PACRG: variants seen among roughly 807,000 people sequenced by gnomAD.
PACRG encodes parkin coregulated.
Under a neutral mutation model 29.7 loss-of-function variants are expected in PACRG, and 29 were observed. That is an observed-to-expected ratio of 0.98 (90% CI 0.73 to 1.33). The LOEUF (loss-of-function observed/expected upper bound fraction) is 1.33. Ranked by LOEUF, PACRG falls within the 40% of genes most tolerant of loss-of-function variation. The pLI is 0.00. For missense variants in PACRG, 279 were observed against 316.2 expected (o/e 0.88, Z 0.89); for synonymous variants, 116 against 118.7 (o/e 0.98, Z 0.15).
At chr6:162,907,157 C>G (rs1795988298) in intron 2 of PACRG, among the ~76,000 whole-genome samples, 1 of 151,900 alleles carries the variant, frequency 6.6e-6, no homozygotes, top group East Asian at 1.9e-4. Flanking sequence ...TGTATCAGAT[C>G]TTTTTTTTAT....
chr6:162,849,487 C>T (rs1790685091), intron 2 of PACRG, among the ~76,000 whole-genome samples: 2 of 152,304 alleles, frequency 1.3e-5, no homozygotes, highest in Middle Eastern at 3.4e-3. Flanking sequence ...CCAAACAGTG[C>T]ACCCCCCAGG....
chr6:162,773,943 AT>A (rs1783442902), intron 1 of PACRG, among the ~76,000 whole-genome samples: 1 of 152,224 alleles, frequency 6.6e-6, no homozygotes, highest in South Asian at 2.1e-4. Context: ...TTTTAAAAAA[AT>A]GAACAAAAAA....
At chr6:163,006,476 A>T (rs1002414031) in intron 2 of PACRG, among the ~76,000 whole-genome samples, 2 of 151,320 alleles carry the variant, frequency 1.3e-5, no homozygotes, top group Non-Finnish European at 3.0e-5. Context: ...ATAATGTCCA[A>T]TTTTTCTATA....
intron 4 of PACRG, among the ~76,000 whole-genome samples, chr6:163,303,597 G>A (rs1785085965): frequency 6.6e-6 from 1 of 152,094 alleles, no homozygotes; most frequent in Non-Finnish European, 1.5e-5. Context: ...GCTGTTTCGC[G>A]AGCTGGTTGA....
At chr6:162,900,348 C>T (rs1795472889) in intron 2 of PACRG, among the ~76,000 whole-genome samples, 1 of 152,116 alleles carries the variant, frequency 6.6e-6, no homozygotes. Context: ...CCCCATTCTA[C>T]CCTCACTTCT....
At chr6:163,051,330 G>A (rs1809986687) in intron 2 of PACRG, 1 of 152,050 alleles carries the variant, frequency 6.6e-6, no homozygotes, top group South Asian at 2.1e-4. Flanking sequence ...CCACAGTGGT[G>A]GATAATTTTT....
At chr6:163,156,515 T>C (rs1215226225) in intron 4 of PACRG, among the ~76,000 whole-genome samples, 1 of 152,148 alleles carries the variant, frequency 6.6e-6, no homozygotes, top group Non-Finnish European at 1.5e-5. Flanking sequence ...TGCTGCTGCC[T>C]GGGTTCCCAC....
At chr6:162,732,928 C>T (rs919262336) in intron 1 of PACRG, among the ~76,000 whole-genome samples, 1 of 152,154 alleles carries the variant, frequency 6.6e-6, no homozygotes, top group African/African-American at 2.4e-5. Flanking sequence ...TTTCATCTCC[C>T]ACTGTTCTCA....
chr6:162,727,621 G>A, upstream of PACRG: 1 of 1,571,738 alleles, frequency 6.4e-7, no homozygotes, highest in Non-Finnish European at 8.6e-7. Flanking sequence ...CCGGGGCGTG[G>A]GGCGGCGCAG....
chr6:163,309,083 T>G (rs1449291822), intron 4 of PACRG, among the ~76,000 whole-genome samples: 1 of 152,190 alleles, frequency 6.6e-6, no homozygotes, highest in African/African-American at 2.4e-5. Context: ...CTGGCCCCAG[T>G]GGGGAACACA....
intron 2 of PACRG, among the ~76,000 whole-genome samples, chr6:163,057,396 A>T (rs560079476): frequency 1.3e-5 from 2 of 152,172 alleles, no homozygotes; most frequent in Non-Finnish European, 2.9e-5. Flanking sequence ...ATATGGCAAG[A>T]ATAGTGATCA....
chr6:163,284,638 A>C (rs755559417), intron 4 of PACRG, among the ~76,000 whole-genome samples: 3 of 152,240 alleles, frequency 2.0e-5, no homozygotes, highest in Non-Finnish European at 2.9e-5. Flanking sequence ...ATGACATCAC[A>C]TAAGTGCTCT....
At chr6:162,732,487 G>T (rs1424130704) in intron 1 of PACRG, among the ~76,000 whole-genome samples, 1 of 152,112 alleles carries the variant, frequency 6.6e-6, no homozygotes, top group Non-Finnish European at 1.5e-5. Flanking sequence ...CTCTGTGTCC[G>T]GCTCAAACTC....
intron 2 of PACRG, among the ~76,000 whole-genome samples, chr6:162,886,709 T>C (rs1001142078): frequency 4.6e-5 from 7 of 152,244 alleles, no homozygotes; most frequent in Non-Finnish European, 8.8e-5. Flanking sequence ...TGAGGTCTTA[T>C]TTTTGTTACA....
At chr6:163,245,313 T>A (rs374839875) in intron 4 of PACRG, 158 of 211,678 alleles carry the variant, frequency 7.5e-4, no homozygotes, top group African/African-American at 3.1e-3. Context: ...CTATGCCATT[T>A]TCAGAGACAT....
intron 2 of PACRG, among the ~76,000 whole-genome samples, chr6:162,874,148 A>AT (rs1343265901): frequency 9.0e-4 from 100 of 111,198 alleles, no homozygotes; most frequent in East Asian, 3.3e-3. Flanking sequence ...TTAAAAAAAA[A>AT]AAAATATATA....
chr6:162,745,211 G>A (rs1054530280), intron 1 of PACRG, among the ~76,000 whole-genome samples: 3 of 152,058 alleles, frequency 2.0e-5, no homozygotes, highest in African/African-American at 7.2e-5. Context: ...GCCATAAAAA[G>A]GAATGAGATT....
At position 163,267,496 on chromosome 6, in the gene PACRG, G is replaced by T. The variant is rs142510519; in HGVS notation, c.614-47331G>T. Among the ~76,000 whole-genome samples the T allele has an allele frequency of 7.4e-3, 1,128 of 152,256 alleles. 60 individuals carry two copies. The highest frequency in any genetic ancestry group is 0.066 in the Admixed American group (1,016 of 15,290). On this transcript the variant is annotated intron_variant, in intron 4 of 4. Transcript: ENST00000366888. Reference sequence around the variant, plus strand: ...ATATTTCACACCAATTCTACAAAAAGCTACATTCAATTAATGAAAAGCGTA... The same window carrying T: ...ATATTTCACACCAATTCTACAAAAATCTACATTCAATTAATGAAAAGCGTA...
intron 2 of PACRG, among the ~76,000 whole-genome samples, chr6:162,936,600 C>G (rs1316722919): frequency 2.0e-5 from 3 of 152,012 alleles, no homozygotes; most frequent in Non-Finnish European, 2.9e-5. Context: ...CTATATTATC[C>G]AAAAGGTAAA....
Sources: gnomAD v4.1 joint callset for allele counts (sites outside exome capture counted in the v4.1 genomes callset) on GRCh38, gnomAD v4.1.1 for gene constraint, MANE v1.5 for transcripts, NCBI Gene and HGNC (gene_info 2026-07-23, HGNC 2026-07-21) for gene names.